Variants in TBX19 observed in about 807,000 individuals in gnomAD.
TBX19 encodes T-box transcription factor 19.
A neutral mutation model predicts 40.9 loss-of-function variants in TBX19; 33 were observed. The observed-to-expected ratio is 0.81, with a 90% confidence interval of 0.61 to 1.08. The LOEUF is 1.08. TBX19 is among the 50% of genes least tolerant of loss of function. TBX19 has a pLI of 0.00. For missense variants in TBX19, 494 were observed against 574.0 expected (o/e 0.86, Z 1.42); for synonymous variants, 220 against 225.0 (o/e 0.98, Z 0.20).
Position 168,313,588 on chromosome 1 carries a change from G to T in TBX19, c.*586G>T. Reference sequence around the variant, plus strand: ...ACTCCTCTGCTCAGAAACCTTCAATGGTTCACCATTACCAGTGGAATGAAG... The same window carrying T: ...ACTCCTCTGCTCAGAAACCTTCAATTGTTCACCATTACCAGTGGAATGAAG... On this transcript the variant is annotated 3_prime_UTR_variant, in exon 8 of 8. Transcript: ENST00000367821. 6.2e-6 allele frequency: 1 copy of T among 160,024 alleles called. No individual in the cohort carries two copies. Among genetic ancestry groups the T allele is most frequent in the Admixed American group, 5.9e-5 (1 of 16,972 alleles). The allele number at this position is 160,024 out of a possible 1,614,324, so 9.9% of individuals were successfully genotyped here. A position where few individuals can be genotyped will look rare whatever the true frequency, so the allele number is the denominator to read the frequency against.
rs780798954 is a variant in TBX19 at position 168,312,688 on chromosome 1, C to T, written c.1053-20C>T. ...GAGTGCCAGTGAACATTCCCTTCCCCTCTTTCTCTGTCTCTGCAGCCCCTA... is the reference window on the plus strand; with the variant it reads ...GAGTGCCAGTGAACATTCCCTTCCCTTCTTTCTCTGTCTCTGCAGCCCCTA... On this transcript the variant is annotated intron_variant, in intron 7 of 7. Coordinates refer to ENST00000367821, the MANE Select transcript of TBX19 (RefSeq NM_005149.3). 1 of 1,607,830 alleles carries T rather than the reference C, an allele frequency of 6.2e-7. No individual in the cohort carries two copies.
At chr1:168,309,760 G>C (rs977438984) in intron 7 of TBX19, among the ~76,000 whole-genome samples, 2 of 152,144 alleles carry the variant, frequency 1.3e-5, no homozygotes, top group African/African-American at 4.8e-5. Context: ...TTGAGTCCCA[G>C]TTCTACCTCT....
chr1:168,297,696 T>C (rs1649148024), intron 3 of TBX19, 28 bp from the exon 4 acceptor site: 1 of 1,608,708 alleles, frequency 6.2e-7, no homozygotes, highest in African/African-American at 1.3e-5. Flanking sequence ...CTACTTTTAC[T>C]AACACTTCTT....
intron 7 of TBX19, among the ~76,000 whole-genome samples, chr1:168,311,772 AT>A (rs1206677238): frequency 1.3e-5 from 2 of 152,226 alleles, no homozygotes; most frequent in African/African-American, 4.8e-5. Context: ...CATTGGGTTC[AT>A]TGCACCTGTT....
At chr1:168,282,293 T>G (rs1392322918) in intron 1 of TBX19, among the ~76,000 whole-genome samples, 1 of 152,196 alleles carries the variant, frequency 6.6e-6, no homozygotes, top group African/African-American at 2.4e-5. Flanking sequence ...TGCAAAGTGC[T>G]TCCGTTCCTG....
rs1479100074 is a variant in TBX19, at chr1:168,314,278, T to C, written c.*1276T>C. On this transcript the variant is annotated 3_prime_UTR_variant, in exon 8 of 8. Transcript: ENST00000367821. ...CCATAGAGCTCACCTCATTTTGCCT[T>C]GTATTTTTGTTACCTGTGAGTGTGT... is the stretch of plus-strand genomic sequence containing the variant. 1.3e-5 allele frequency: 2 copies of C among 152,806 alleles called. No homozygotes were observed. The highest frequency in any genetic ancestry group is 4.8e-5 in the African/African-American group (2 of 41,454). The allele number at this position is 152,806 out of a possible 1,614,324, so 9.5% of individuals were successfully genotyped here.
chr1:168,287,614 T>C (rs1648835500), intron 1 of TBX19, among the ~76,000 whole-genome samples: 1 of 149,616 alleles, frequency 6.7e-6, no homozygotes, highest in Non-Finnish European at 1.5e-5. Flanking sequence ...TGATCTTACA[T>C]GTTAAGAAAC....
intron 5 of TBX19, among the ~76,000 whole-genome samples, chr1:168,302,496 C>T (rs1287082153): frequency 1.3e-5 from 2 of 152,046 alleles, no homozygotes; most frequent in Non-Finnish European, 1.5e-5. Context: ...GCATGGTCAG[C>T]GGGAGAACAA....
chr1:168,283,341 G>A (rs939029522), intron 1 of TBX19, among the ~76,000 whole-genome samples: 2 of 152,066 alleles, frequency 1.3e-5, no homozygotes, highest in Non-Finnish European at 2.9e-5. Context: ...ATTCTCCTAA[G>A]CTCTCGGAGC....
At chr1:168,294,303 C>A (rs866389278) in intron 3 of TBX19, among the ~76,000 whole-genome samples, 1 of 151,978 alleles carries the variant, frequency 6.6e-6, no homozygotes, top group South Asian at 2.1e-4. Context: ...ATCAGCCCCC[C>A]ACCAATGGAC....
intron 5 of TBX19, among the ~76,000 whole-genome samples, chr1:168,302,106 G>C (rs1027451471): frequency 2.6e-5 from 4 of 152,316 alleles, no homozygotes; most frequent in African/African-American, 9.6e-5. Context: ...CAAAGTTCAT[G>C]TGTTGCAATC....
rs1648935708 is a variant in TBX19 at position 168,291,379 on chromosome 1, C to T, written c.423C>T (p.Ser141=). The T allele has an allele frequency of 1.2e-6, 2 of 1,614,124 alleles. No individual in the cohort carries two copies. The highest frequency in any genetic ancestry group is 2.7e-5 in the African/African-American group (2 of 74,946). ...FGAHWMKAPI[S]FSKVKLTNKL... is the part of the protein sequence containing the mutation. ...CCCACTGGATGAAAGCTCCCATCTCCTTCAGCAAAGTGAAGCTGACCAACA... is the reference window on the plus strand; with the variant it reads ...CCCACTGGATGAAAGCTCCCATCTCTTTCAGCAAAGTGAAGCTGACCAACA... The change falls in exon 2 of 8, where the codon TCC becomes TCT. Residue 141 remains serine, a synonymous_variant. Coordinates refer to ENST00000367821, the MANE Select transcript of TBX19 (RefSeq NM_005149.3).
At position 168,301,242 on chromosome 1, in the gene TBX19, A is replaced by G. The variant is rs1052926388; in HGVS notation, c.727+759A>G. 2.6e-5 allele frequency among the ~76,000 whole-genome samples: 4 copies of G among 152,100 alleles called. 1 individual carries two copies. Among genetic ancestry groups the G allele is most frequent in the Non-Finnish European group, 5.9e-5 (4 of 68,032 alleles). On this transcript the variant is annotated intron_variant, in intron 5 of 7. Transcript: ENST00000367821. The stretch of plus-strand genomic sequence containing the variant: ...AACAGACCTGGGAGTATAGCCGCAT[A>G]AAGAGAAGCAGCTCTCAGAAAAGCA...
intron 6 of TBX19, among the ~76,000 whole-genome samples, chr1:168,306,016 A>G (rs1649396318): frequency 2.6e-5 from 4 of 152,222 alleles, no homozygotes; most frequent in Admixed American, 6.5e-5. Flanking sequence ...TAAAACAAGT[A>G]AAGTTCATGG....
chr1:168,303,567 G>A (rs1005860006), intron 5 of TBX19, among the ~76,000 whole-genome samples: 1 of 152,212 alleles, frequency 6.6e-6, no homozygotes, highest in African/African-American at 2.4e-5. Context: ...TTCAGGGCAA[G>A]TCCACAGAGT....
In TBX19 at chr1:168,297,662, G is replaced by A. The variant is rs1572478359; in HGVS notation, c.604-62G>A. On this transcript the variant is annotated intron_variant, in intron 3 of 7. Transcript: ENST00000367821. The stretch of plus-strand genomic sequence containing the variant: ...TTAAACTGGTTTTACAGAAGACAAA[G>A]GGTTCTGTTTGCCCATGTGTATCCT... The A allele has an allele frequency of 2.1e-6, 3 of 1,449,090 alleles. No individual in the cohort carries two copies. In the Admixed American group the frequency reaches 5.0e-5, roughly 24 times the overall value. The allele number at this position is 1,449,090 out of a possible 1,614,324, so 89.8% of individuals were successfully genotyped here.
chr1:168,299,292 C>T (rs1224374989), intron 4 of TBX19, among the ~76,000 whole-genome samples: 1 of 152,044 alleles, frequency 6.6e-6, no homozygotes, highest in Non-Finnish European at 1.5e-5. Flanking sequence ...ACAAAGCCTA[C>T]AGTATAATAT....
rs1648633198 is a variant in TBX19, at chr1:168,281,019, C to T, written c.-72C>T. On this transcript the variant is annotated 5_prime_UTR_variant, in exon 1 of 8. Transcript: ENST00000367821. ...TGTTCAAGTGGGTTTGAAAAGCAGG[C>T]AAGTGAGGGAAGGAAGAAGCTAGAA... 6.2e-6 allele frequency: 9 copies of T among 1,446,110 alleles called. No homozygotes were observed. The highest frequency in any genetic ancestry group is 8.7e-6 in the Non-Finnish European group (9 of 1,034,552). 89.6% of individuals were successfully genotyped at this position (1,446,110 alleles called of 1,614,324 possible).
intron 7 of TBX19, among the ~76,000 whole-genome samples, chr1:168,312,337 A>G (rs1649544786): frequency 1.3e-5 from 2 of 152,224 alleles, no homozygotes; most frequent in African/African-American, 4.8e-5. Context: ...ATTATGCCAC[A>G]TTGGCCAGGG....
Sources: allele counts gnomAD v4.1 joint callset (sites outside exome capture counted in the v4.1 genomes callset), GRCh38; gene constraint gnomAD v4.1.1; transcripts MANE v1.5; gene names NCBI Gene and HGNC (gene_info 2026-07-23, HGNC 2026-07-21).